Variants in TAB3 observed in about 807,000 individuals in gnomAD.
The protein encoded by TAB3 is TGF-beta activated kinase 1 (MAP3K7) binding protein 3.
Under a neutral mutation model 48.1 loss-of-function variants are expected in TAB3, and 18 were observed. The ratio of observed to expected loss-of-function variants is 0.37; its 90% confidence interval spans 0.26 to 0.55. The LOEUF (loss-of-function observed/expected upper bound fraction) is 0.55, where lower values mean the gene tolerates loss of function less well. Ranked by LOEUF, TAB3 falls within the 20% of genes least tolerant of loss-of-function variation. The probability of loss-of-function intolerance (pLI) is 0.78; values close to 1 mark genes in which losing one functional copy is unlikely to be tolerated. For synonymous variants in TAB3, 185 were observed against 190.2 expected, an observed-to-expected ratio of 0.97 and a Z score of 0.22; for missense variants, 414 against 549.8, an observed-to-expected ratio of 0.75 and a Z score of 2.47.
intron 10 of TAB3, among the ~76,000 whole-genome samples, chrX:30,833,117 C>A (rs1220511255): frequency 2.8e-5 from 3 of 108,551 alleles, no homozygotes; most frequent in African/African-American, 3.4e-5. Flanking sequence ...ACTACAGGCG[C>A]CTGCCACCGC....
At chrX:30,836,948 C>G (rs906698965) in intron 9 of TAB3, 1 of 110,870 alleles carries the variant, frequency 9.0e-6, no homozygotes, top group Admixed American at 9.7e-5. Flanking sequence ...TAATGCAAGC[C>G]TTATTCAATG....
chrX:30,842,758 C>T (rs1186850282), intron 9 of TAB3, among the ~76,000 whole-genome samples: 4 of 110,606 alleles, frequency 3.6e-5, no homozygotes, highest in Non-Finnish European at 7.6e-5. Context: ...CCCAGAAGGT[C>T]GAGGCTGCAA....
chrX:30,873,472 C>CGGAGAT lies in TAB3; in HGVS notation c.-382-1677_-382-1672dup, dbSNP rs758514933. ...CCCGGGAGGCGGAGCTTGCAGTGAG[C>CGGAGAT]GGAGATCGCGCCACAGCACTCCCGC... On this transcript the variant is annotated intron_variant, in intron 1 of 10. Transcript: ENST00000288422. Among the ~76,000 whole-genome samples the CGGAGAT allele has an allele frequency of 4.6e-3, 464 of 101,932 alleles. 2 individuals are homozygous for CGGAGAT. Among genetic ancestry groups the CGGAGAT allele is most frequent in the African/African-American group, 0.016 (439 of 27,524 alleles). 88.5% of individuals were successfully genotyped at this position (101,932 alleles called of 115,157 possible).
intron 8 of TAB3, chrX:30,846,176 T>TACCTC: frequency 1.7e-6 from 1 of 574,051 alleles, no homozygotes; most frequent in Non-Finnish European, 2.3e-6. Context: ...AACTGAGAAA[T>TACCTC]CTGATACTCT....
At chrX:30,868,194 GC>G (rs1461666226) in intron 2 of TAB3, among the ~76,000 whole-genome samples, 2 of 101,244 alleles carry the variant, frequency 2.0e-5, no homozygotes, top group Non-Finnish European at 4.0e-5. Context: ...ACCACACCTG[GC>G]CTATATGATT....
chrX:30,882,186 C>G (rs775361358), intron 1 of TAB3, among the ~76,000 whole-genome samples: 1 of 111,331 alleles, frequency 9.0e-6, no homozygotes, highest in African/African-American at 3.3e-5. Flanking sequence ...GGATTGTTGC[C>G]ACAAATCGAA....
At chrX:30,835,118 T>C (rs775339710) in intron 9 of TAB3, 1 of 123,632 alleles carries the variant, frequency 8.1e-6, no homozygotes, top group South Asian at 3.7e-4. Context: ...AAATTGTTTC[T>C]ATAAATTTAT....
At chrX:30,838,185 C>T (rs1361714863) in intron 9 of TAB3, among the ~76,000 whole-genome samples, 1 of 111,733 alleles carries the variant, frequency 8.9e-6, no homozygotes, top group Non-Finnish European at 1.9e-5. Flanking sequence ...GCAGCCTCAA[C>T]CTCCTGGGCT....
intron 9 of TAB3, among the ~76,000 whole-genome samples, chrX:30,838,312 A>G (rs1297404575): frequency 2.7e-5 from 3 of 111,453 alleles, no homozygotes; most frequent in African/African-American, 9.8e-5. Flanking sequence ...TAATTACACC[A>G]TGTCTGGCTA....
intron 4 of TAB3, among the ~76,000 whole-genome samples, chrX:30,861,112 T>C (rs1939240376): frequency 9.0e-6 from 1 of 111,542 alleles, no homozygotes; most frequent in South Asian, 3.7e-4. Context: ...TTAAAATTAT[T>C]TCCAAATAAA....
At chrX:30,837,359 G>A (rs1469479396) in intron 9 of TAB3, among the ~76,000 whole-genome samples, 1 of 111,141 alleles carries the variant, frequency 9.0e-6, no homozygotes, top group African/African-American at 3.3e-5. Context: ...GCCTCAGAAT[G>A]ACATATTAAC....
At chrX:30,839,357 A>G (rs1344748480) in intron 9 of TAB3, among the ~76,000 whole-genome samples, 1 of 112,094 alleles carries the variant, frequency 8.9e-6, no homozygotes, top group African/African-American at 3.2e-5. Flanking sequence ...CAACTTGGTC[A>G]TAATGTATTA....
intron 9 of TAB3, among the ~76,000 whole-genome samples, chrX:30,839,914 T>TTATATATATATATATATATA (rs56260124): frequency 1.2e-5 from 1 of 82,248 alleles, no homozygotes; most frequent in East Asian, 3.7e-4. Flanking sequence ...CATATATATA[T>TTATATATATATATATATATA]TATATATATA....
chrX:30,866,504 T>G (rs1939407603), intron 4 of TAB3, among the ~76,000 whole-genome samples: 1 of 109,948 alleles, frequency 9.1e-6, no homozygotes. Flanking sequence ...TACCAGAAAG[T>G]AAGGAAGTAC....
chrX:30,879,700 A>G (rs1371957552), intron 1 of TAB3, among the ~76,000 whole-genome samples: 1 of 111,678 alleles, frequency 9.0e-6, no homozygotes, highest in African/African-American at 3.2e-5. Flanking sequence ...CAATAGCGCC[A>G]CTATTACTAC....
chrX:30,841,424 AAAG>A (rs1938437184), intron 9 of TAB3, among the ~76,000 whole-genome samples: 1 of 110,541 alleles, frequency 9.0e-6, no homozygotes, highest in Non-Finnish European at 1.9e-5. Flanking sequence ...CAAAAAAAAA[AAAG>A]AAATCAATAG....
chrX:30,843,558 G>A (rs1431138872), intron 8 of TAB3: 1 of 111,983 alleles, frequency 8.9e-6, no homozygotes, highest in African/African-American at 3.2e-5. Flanking sequence ...GTTATATTTT[G>A]AGACTACTAA....
At chrX:30,842,561 A>C (rs1343964437) in intron 9 of TAB3, among the ~76,000 whole-genome samples, 1 of 111,850 alleles carries the variant, frequency 8.9e-6, no homozygotes, top group African/African-American at 3.3e-5. Flanking sequence ...TTAAAAACTA[A>C]AGTTTGGGGA....
intron 5 of TAB3, among the ~76,000 whole-genome samples, chrX:30,858,693 A>G (rs948370377): frequency 4.5e-5 from 5 of 111,685 alleles, no homozygotes; most frequent in African/African-American, 1.6e-4. Context: ...CATAACCCAA[A>G]ACACTAAGAT....
Sources: gnomAD v4.1 joint callset for allele counts (sites outside exome capture counted in the v4.1 genomes callset) on GRCh38, gnomAD v4.1.1 for gene constraint, MANE v1.5 for transcripts, NCBI Gene and HGNC (gene_info 2026-07-23, HGNC 2026-07-21) for gene names.